The following ZSCAN5A variants were observed in gnomAD, a reference collection of about 807,000 sequenced individuals.
ZSCAN5A encodes zinc finger and SCAN domain containing 5A, also known as zinc finger and SCAN domain-containing protein 5A.
In ZSCAN5A, 12 loss-of-function variants were observed where a neutral mutation model predicts 23.7. That is an observed-to-expected ratio of 0.51 (90% confidence interval 0.32 to 0.82). The LOEUF (loss-of-function observed/expected upper bound fraction) is 0.82. Ranked by LOEUF, ZSCAN5A falls within the 40% of genes least tolerant of loss-of-function variation. The pLI is 0.03. For missense variants in ZSCAN5A, 597 were observed against 617.9 expected (o/e 0.97, Z 0.36); for synonymous variants, 257 against 239.9 (o/e 1.07, Z -0.66).
chr19:56,302,035 C>T lies in ZSCAN5A; in HGVS notation c.-128+11248G>A, dbSNP rs528879562. 1.1e-5 allele frequency: 14 copies of T among 1,232,016 alleles called. No individual in the cohort carries two copies. The African/African-American group carries it at 2.2e-4, about 19-fold the overall frequency. The allele number at this position is 1,232,016 out of a possible 1,614,324, so 76.3% of individuals were successfully genotyped here. A position where few individuals can be genotyped will look rare whatever the true frequency, so the allele number is the denominator to read the frequency against. ...CCAAGAGGAAGAACACGTGGAACTT[C>T]CTGAAATGCGCCTACATGGTGATGA... is the stretch of plus-strand genomic sequence containing the variant. On this transcript the variant is annotated intron_variant, in intron 2 of 5. Transcript: ENST00000683990.
At chr19:56,303,281 C>G (rs1262733114) in intron 2 of ZSCAN5A, among the ~76,000 whole-genome samples, 1 of 151,968 alleles carries the variant, frequency 6.6e-6, no homozygotes, top group African/African-American at 2.4e-5. Flanking sequence ...AGTTCAAGAC[C>G]AGCCTGGTCA....
At chr19:56,279,831 T>C (rs1395767324) in intron 2 of ZSCAN5A, among the ~76,000 whole-genome samples, 3 of 152,220 alleles carry the variant, frequency 2.0e-5, no homozygotes, top group Non-Finnish European at 2.9e-5. Flanking sequence ...TAAAATATTA[T>C]GCTGTTTTAA....
intron 2 of ZSCAN5A, among the ~76,000 whole-genome samples, chr19:56,344,909 CAAAAAAAAAAAA>C (rs1019131536): frequency 5.2e-5 from 1 of 19,048 alleles, no homozygotes; most frequent in Non-Finnish European, 1.1e-4. Flanking sequence ...GACTCCGTCT[CAAAAAAAAAAAA>C]AAAAAAAAAA....
chr19:56,336,456 T>C (rs1055202714), intron 2 of ZSCAN5A, among the ~76,000 whole-genome samples: 1 of 152,236 alleles, frequency 6.6e-6, no homozygotes, highest in Admixed American at 6.5e-5. Flanking sequence ...AGGACTTCTC[T>C]GCATTGGTTA....
intron 2 of ZSCAN5A, among the ~76,000 whole-genome samples, chr19:56,304,562 T>C (rs1487205240): frequency 1.5e-4 from 23 of 152,042 alleles, no homozygotes; most frequent in Non-Finnish European, 1.6e-4. Flanking sequence ...TTGTGCTGCT[T>C]ATGGGGATGA....
intron 2 of ZSCAN5A, among the ~76,000 whole-genome samples, chr19:56,275,884 G>C (rs1264661708): frequency 6.6e-6 from 1 of 152,260 alleles, no homozygotes; most frequent in African/African-American, 2.4e-5. Context: ...TTGGATGGAT[G>C]ATGAACGAAT....
At chr19:56,339,232 T>C (rs36056956) in intron 2 of ZSCAN5A, among the ~76,000 whole-genome samples, 8,867 of 149,598 alleles carry the variant, frequency 0.059, 293 homozygotes, top group South Asian at 0.14. Flanking sequence ...AAAGGAGCAG[T>C]TGTAGCCGTA....
chr19:56,222,746 A>G lies in ZSCAN5A; in HGVS notation c.589-5T>C. On this transcript the variant is annotated splice_polypyrimidine_tract_variant and splice_region_variant and intron_variant, in intron 4 of 5. Transcript: ENST00000683990. ...GTGTAGCAGAAAGTCCTCTCCCTGA[A>G]GAGGAAAAACCAAGAGTAATGACTG... The G allele has an allele frequency of 6.2e-7, 1 of 1,614,146 alleles. No homozygotes were observed. The highest frequency in any genetic ancestry group is 8.5e-7 in the Non-Finnish European group (1 of 1,180,028).
chr19:56,331,524 T>C (rs1000253258), intron 2 of ZSCAN5A, among the ~76,000 whole-genome samples: 1 of 151,072 alleles, frequency 6.6e-6, no homozygotes, highest in Non-Finnish European at 1.5e-5. Context: ...TTCTTGGTTA[T>C]ATATAGTCTA....
chr19:56,297,665 C>A, intron 2 of ZSCAN5A: 1 of 373,358 alleles, frequency 2.7e-6, no homozygotes, highest in African/African-American at 2.2e-5. Flanking sequence ...TGAGAGGCTG[C>A]CTTCCTGAAG....
At chr19:56,314,347 G>C (rs192640844) in intron 1 of ZSCAN5A, 2 of 152,276 alleles carry the variant, frequency 1.3e-5, no homozygotes, top group East Asian at 1.9e-4. Flanking sequence ...AGGAAGTCTG[G>C]GTTTCCAATC....
intron 2 of ZSCAN5A, among the ~76,000 whole-genome samples, chr19:56,307,572 T>C (rs543121185): frequency 1.4e-3 from 213 of 152,314 alleles, no homozygotes; most frequent in African/African-American, 5.0e-3. Context: ...CTTACGTTAC[T>C]CTCTTTTACC....
upstream of ZSCAN5A, chr19:56,315,099 G>A (rs1472619174): frequency 6.6e-6 from 1 of 152,152 alleles, no homozygotes; most frequent in African/African-American, 2.4e-5. Context: ...TGAACCTTTA[G>A]GACTACAATA....
At chr19:56,229,856 A>G (rs1324002290) in intron 2 of ZSCAN5A, among the ~76,000 whole-genome samples, 1 of 151,980 alleles carries the variant, frequency 6.6e-6, no homozygotes, top group African/African-American at 2.4e-5. Context: ...GCTATTGTAA[A>G]TGGGATTGCT....
rs201997424 is a variant in ZSCAN5A, at chr19:56,282,661, GAAC to G, written c.-128+30619_-128+30621del. Among the ~76,000 whole-genome samples the G allele has an allele frequency of 1.5e-3, 223 of 152,208 alleles. 4 individuals are homozygous for G. In the South Asian group the frequency reaches 0.031, roughly 21 times the overall value. On this transcript the variant is annotated intron_variant, in intron 2 of 5. Coordinates refer to ENST00000683990, the MANE Select transcript of ZSCAN5A (RefSeq NM_001322064.3). ...ACCAAGTGTGGAATTGTCCTTTGAT[GAAC>G]AACAACAACAACAAAAGCCCTTTTA...
chr19:56,249,975 G>A (rs931665373), intron 2 of ZSCAN5A, among the ~76,000 whole-genome samples: 9 of 152,158 alleles, frequency 5.9e-5, no homozygotes, highest in Admixed American at 2.6e-4. Flanking sequence ...TCAGAACTCC[G>A]GAAATAGGCT....
chr19:56,289,598 G>A (rs1478533963), intron 2 of ZSCAN5A, among the ~76,000 whole-genome samples: 1 of 152,106 alleles, frequency 6.6e-6, no homozygotes, highest in Non-Finnish European at 1.5e-5. Context: ...TCTCTTGTGT[G>A]TGGTGGTCTG....
At chr19:56,289,347 A>T (rs943452169) in intron 2 of ZSCAN5A, among the ~76,000 whole-genome samples, 1 of 152,204 alleles carries the variant, frequency 6.6e-6, no homozygotes, top group African/African-American at 2.4e-5. Flanking sequence ...CTCCAAAGGA[A>T]AAGTGATAGT....
intron 2 of ZSCAN5A, among the ~76,000 whole-genome samples, chr19:56,240,385 A>G (rs1383374579): frequency 6.6e-6 from 1 of 152,202 alleles, no homozygotes; most frequent in Non-Finnish European, 1.5e-5. Context: ...AAAATGGATT[A>G]CGTGGCCCTA....
Sources: allele counts gnomAD v4.1 joint callset (sites outside exome capture counted in the v4.1 genomes callset), GRCh38; gene constraint gnomAD v4.1.1; transcripts MANE v1.5; gene names NCBI Gene and HGNC (gene_info 2026-07-23, HGNC 2026-07-21).